The following TMEM181 variants were observed in gnomAD, a reference collection of about 807,000 sequenced individuals.
The protein encoded by TMEM181 is G protein-coupled receptor 178.
Under a neutral mutation model 71.9 loss-of-function variants are expected in TMEM181, and 39 were observed. The ratio of observed to expected loss-of-function variants is 0.54; its 90% confidence interval spans 0.42 to 0.71. The LOEUF is 0.71. TMEM181 is among the 30% of genes least tolerant of loss of function. The pLI is 0.00. For synonymous variants in TMEM181, 245 were observed against 228.8 expected (o/e 1.07, Z -0.64); for missense variants, 595 against 583.0 (o/e 1.02, Z -0.21).
chr6:158,608,502 G>T, intron 9 of TMEM181, 39 bp downstream of exon 9: 1 of 1,613,844 alleles, frequency 6.2e-7, no homozygotes, highest in South Asian at 1.1e-5. Flanking sequence ...GGAGGTTCCA[G>T]ACTGTGTCCT....
intron 2 of TMEM181, among the ~76,000 whole-genome samples, chr6:158,579,753 A>G (rs1371964782): frequency 6.6e-6 from 1 of 152,150 alleles, no homozygotes; most frequent in African/African-American, 2.4e-5. Context: ...AAAATAAGGA[A>G]ATTCATACAG....
chr6:158,589,737 G>A lies in TMEM181; in HGVS notation c.447G>A (p.Val149=). The part of the protein sequence containing the change: ...YLNYTQYTVI[V]GFEHLKLPIK... ...ACTACACTCAGTATACAGTGATAGTGGGATTTGAACACCTGAAGCTCCCCA... is the reference window on the plus strand; with the variant it reads ...ACTACACTCAGTATACAGTGATAGTAGGATTTGAACACCTGAAGCTCCCCA... Residue 149 remains valine, a synonymous_variant, in exon 6 of 17, where the codon GTG becomes GTA. Coordinates refer to ENST00000684151, the MANE Select transcript of TMEM181 (RefSeq NM_001376852.1). The A allele has an allele frequency of 6.2e-7, 1 of 1,614,142 alleles. No individual in the cohort carries two copies. The highest frequency in any genetic ancestry group is 1.3e-5 in the African/African-American group (1 of 75,024).
upstream of TMEM181, chr6:158,560,006 C>G: frequency 1.0e-6 from 1 of 977,604 alleles, no homozygotes; most frequent in Non-Finnish European, 1.2e-6. Context: ...TCGCCGCGCG[C>G]CCGCGGCCCC....
In TMEM181 at chr6:158,623,557, G is replaced by A. The variant is rs1272772195; in HGVS notation, c.904G>A (p.Glu302Lys). 3.8e-6 allele frequency: 6 copies of A among 1,562,572 alleles called. No homozygotes were observed. The highest frequency in any genetic ancestry group is 2.3e-5 in the East Asian group (1 of 43,798). The change falls in exon 11 of 17, where the codon GAA becomes AAA. Residue 302 changes from glutamate to lysine, a missense_variant. By Grantham distance (56) the Glu-to-Lys change is moderately conservative. Coordinates refer to ENST00000684151, the MANE Select transcript of TMEM181 (RefSeq NM_001376852.1). The part of the protein sequence containing the change: ...VTLGIWQTVN[E>K]LHDPMYQYRV... ...TATAATGTCAATTTTTAGAGTTAAC[G>A]AATTACATGATCCAATGTACCAGTA...
At chr6:158,557,235 G>A (rs1362300763), upstream of TMEM181, among the ~76,000 whole-genome samples, 1 of 152,138 alleles carries the variant, frequency 6.6e-6, no homozygotes, top group Non-Finnish European at 1.5e-5. Context: ...TTAGCTGGTT[G>A]TGTTAGTGCA....
intron 11 of TMEM181, 90 bp downstream of exon 11, chr6:158,623,697 C>G (rs1030050137): frequency 3.2e-6 from 3 of 935,344 alleles, no homozygotes; most frequent in Non-Finnish European, 3.2e-6. Flanking sequence ...TTCTGTTGAG[C>G]TTTTTGCTAA....
intron 12 of TMEM181, 136 bp downstream of exon 12, chr6:158,625,342 C>G (rs958481607): frequency 1.3e-6 from 1 of 756,134 alleles, no homozygotes; most frequent in African/African-American, 1.7e-5. Context: ...GGCTGGGGAC[C>G]AGGGCACGTG....
At chr6:158,587,026 C>T (rs1305127676) in intron 5 of TMEM181, among the ~76,000 whole-genome samples, 2 of 152,150 alleles carry the variant, frequency 1.3e-5, no homozygotes, top group African/African-American at 4.8e-5. Context: ...GCCTGGTGGC[C>T]ACTCCCACCT....
intron 1 of TMEM181, among the ~76,000 whole-genome samples, chr6:158,560,896 C>A (rs1782130420): frequency 6.6e-6 from 1 of 151,976 alleles, no homozygotes; most frequent in Non-Finnish European, 1.5e-5. Context: ...GACGCCATCC[C>A]TAAAGCTTGC....
At chr6:158,537,657 C>T (rs866752658) in intron 1 of TMEM181, among the ~76,000 whole-genome samples, 2 of 152,312 alleles carry the variant, frequency 1.3e-5, no homozygotes, top group East Asian at 3.9e-4. Context: ...TAGAAAGCTC[C>T]CTCACCCCCC....
At chr6:158,538,364 A>G (rs557367629) in intron 1 of TMEM181, among the ~76,000 whole-genome samples, 11 of 151,674 alleles carry the variant, frequency 7.3e-5, no homozygotes, top group Admixed American at 3.3e-4. Flanking sequence ...TGTCTTGCCC[A>G]GGCTGGTCTC....
chr6:158,556,351 G>C (rs550615075), upstream of TMEM181, among the ~76,000 whole-genome samples: 1 of 152,132 alleles, frequency 6.6e-6, no homozygotes, highest in Non-Finnish European at 1.5e-5. Context: ...TCCTTTTCCC[G>C]ATTCCATTTC....
At chr6:158,608,146 G>T (rs751120478) in intron 8 of TMEM181, among the ~76,000 whole-genome samples, 187 bp from the exon 9 acceptor site, 2 of 152,234 alleles carry the variant, frequency 1.3e-5, no homozygotes. Context: ...AGACCCTGCA[G>T]TGGGATGGGG....
intron 1 of TMEM181, among the ~76,000 whole-genome samples, chr6:158,552,674 G>T (rs11962111): frequency 6.6e-6 from 1 of 152,154 alleles, no homozygotes; most frequent in East Asian, 1.9e-4. Flanking sequence ...GAGAGTTATC[G>T]TCTCAGCCTT....
intron 10 of TMEM181, among the ~76,000 whole-genome samples, chr6:158,614,676 C>T (rs1785515056): frequency 6.6e-6 from 1 of 152,100 alleles, no homozygotes; most frequent in South Asian, 2.1e-4. Flanking sequence ...GTGATGTTCC[C>T]CACCCTGTGT....
At chr6:158,596,628 A>G (rs1356813326) in intron 6 of TMEM181, among the ~76,000 whole-genome samples, 1 of 152,152 alleles carries the variant, frequency 6.6e-6, no homozygotes, top group Non-Finnish European at 1.5e-5. Context: ...TTCCTGTATT[A>G]GTCTGTTTTC....
rs1451535756 is a variant in TMEM181, at chr6:158,620,521, G to A, written c.897-3029G>A. Reference sequence around the variant, plus strand: ...GAGAGGGAGAGGGAGAGAGAAAGAAGAGGGAGAAAGAGGGAGCAAGGGTTA... The same window carrying A: ...GAGAGGGAGAGGGAGAGAGAAAGAAAAGGGAGAAAGAGGGAGCAAGGGTTA... On this transcript the variant is annotated intron_variant, in intron 10 of 16. Coordinates refer to ENST00000684151, the MANE Select transcript of TMEM181 (RefSeq NM_001376852.1). This position sits in a 1 kb window ranked among gnomAD's most constrained non-coding sequence, Gnocchi z 4.5. 6.6e-6 allele frequency among the ~76,000 whole-genome samples: 1 copy of A among 152,198 alleles called. No homozygotes were observed. The highest frequency in any genetic ancestry group is 2.4e-5 in the African/African-American group (1 of 41,456).
chr6:158,544,182 A>AGAGAGAGTGT (rs149735409), intron 1 of TMEM181, among the ~76,000 whole-genome samples: 4 of 127,550 alleles, frequency 3.1e-5, no homozygotes, highest in African/African-American at 1.2e-4. Flanking sequence ...AATTGGAGAG[A>AGAGAGAGTGT]GTGTGTGTGT....
intron 1 of TMEM181, among the ~76,000 whole-genome samples, chr6:158,542,199 A>G (rs902169263): frequency 6.6e-6 from 1 of 152,044 alleles, no homozygotes; most frequent in Non-Finnish European, 1.5e-5. Flanking sequence ...GAGCCACTGC[A>G]CCCGGCCTAG....
Sources: gnomAD v4.1 joint callset for allele counts (sites outside exome capture counted in the v4.1 genomes callset) on GRCh38, gnomAD v4.1.1 for gene constraint, Gnocchi (gnomAD v3.1) non-coding constraint, MANE v1.5 for transcripts, NCBI Gene and HGNC (gene_info 2026-07-23, HGNC 2026-07-21) for gene names.